CLEC16A: variants seen among roughly 807,000 people sequenced by gnomAD.
CLEC16A encodes protein CLEC16A.
In CLEC16A, 51 loss-of-function variants were observed where a neutral mutation model predicts 109.5. That is an observed-to-expected ratio of 0.47 (90% CI 0.37 to 0.59). The LOEUF (loss-of-function observed/expected upper bound fraction) is 0.59, where lower values mean the gene tolerates loss of function less well. CLEC16A is among the 20% of genes least tolerant of loss of function. The pLI is 0.00. For missense variants in CLEC16A, 1,339 were observed against 1,394.0 expected (o/e 0.96, Z 0.63); for synonymous variants, 673 against 564.2 (o/e 1.19, Z -2.73).
chr16:11,163,543 C>T (rs73505398), intron 22 of CLEC16A, among the ~76,000 whole-genome samples: 17 of 152,312 alleles, frequency 1.1e-4, no homozygotes, highest in African/African-American at 3.8e-4. Context: ...CAATCTATGA[C>T]TTGATCCCAA....
chr16:10,976,346 C>CT (rs35062493), intron 7 of CLEC16A, among the ~76,000 whole-genome samples: 94,505 of 147,418 alleles, frequency 0.64, 32,223 homozygotes, highest in African/African-American at 0.9. Flanking sequence ...CTTGTTTTTA[C>CT]TTTTTTTTTT....
intron 9 of CLEC16A, among the ~76,000 whole-genome samples, chr16:10,982,254 C>G (rs2043363271): frequency 6.6e-6 from 1 of 152,178 alleles, no homozygotes; most frequent in African/African-American, 2.4e-5. Context: ...AGCCCAGAGG[C>G]AGCCCTCTGA....
chr16:11,178,799 C>A lies in CLEC16A; in HGVS notation c.*109C>A. ...ACCCACCATTCTGTGCGGCCCCCAG[C>A]AGCCATCTCAACCACCTATCCCTGC... On this transcript the variant is annotated 3_prime_UTR_variant, in exon 24 of 24. Transcript: ENST00000409790. This position sits in a 1 kb window ranked among gnomAD's most constrained non-coding sequence, Gnocchi z 6.5. 2 of 813,626 alleles carry A rather than the reference C, an allele frequency of 2.5e-6. No individual in the cohort carries two copies. Among genetic ancestry groups the A allele is most frequent in the Non-Finnish European group, 3.7e-6 (2 of 537,558 alleles). 50.4% of individuals were successfully genotyped at this position (813,626 alleles called of 1,614,324 possible). A position where few individuals can be genotyped will look rare whatever the true frequency, so the allele number is the denominator to read the frequency against.
At chr16:11,156,743 A>G in intron 22 of CLEC16A, 1 of 1,106,762 alleles carries the variant, frequency 9.0e-7, no homozygotes, top group Non-Finnish European at 1.2e-6. Context: ...TTGGGAATCA[A>G]GCCCAGCCCT....
At chr16:11,123,619 T>TC (rs1273380300) in intron 20 of CLEC16A, 123 bp from the exon 21 acceptor site, 2 of 928,816 alleles carry the variant, frequency 2.2e-6, no homozygotes, top group Admixed American at 4.2e-5. Flanking sequence ...AGGCTGTCGA[T>TC]CTTAGATCAA....
chr16:11,146,434 G>A (rs1306034459), intron 22 of CLEC16A, among the ~76,000 whole-genome samples: 1 of 145,260 alleles, frequency 6.9e-6, no homozygotes, highest in Non-Finnish European at 1.5e-5. Context: ...GATATAGAGG[G>A]ATGAATGAAT....
chr16:11,113,421 A>T (rs1313080718), intron 19 of CLEC16A, among the ~76,000 whole-genome samples: 2 of 152,206 alleles, frequency 1.3e-5, no homozygotes, highest in African/African-American at 4.8e-5. Flanking sequence ...GCACTTTGGG[A>T]GGCTGAGGTG....
At chr16:11,132,702 A>G (rs554110103) in intron 22 of CLEC16A, among the ~76,000 whole-genome samples, 1 of 152,328 alleles carries the variant, frequency 6.6e-6, no homozygotes, top group South Asian at 2.1e-4. Flanking sequence ...GTTCTCTGAC[A>G]CTATCCTGCA....
At chr16:10,989,729 A>T (rs1251581931) in intron 10 of CLEC16A, among the ~76,000 whole-genome samples, 1 of 152,160 alleles carries the variant, frequency 6.6e-6, no homozygotes, top group Non-Finnish European at 1.5e-5. Flanking sequence ...TTCTAGTAGC[A>T]GGACTCTCTG....
intron 7 of CLEC16A, among the ~76,000 whole-genome samples, chr16:10,976,031 G>A (rs962581249): frequency 1.1e-4 from 16 of 152,250 alleles, no homozygotes; most frequent in South Asian, 2.1e-4. Context: ...TTGGGAGGCC[G>A]AGGCAGAAGG....
At chr16:10,959,840 T>C (rs2042174278) in intron 2 of CLEC16A, among the ~76,000 whole-genome samples, 1 of 152,022 alleles carries the variant, frequency 6.6e-6, no homozygotes, top group East Asian at 1.9e-4. Flanking sequence ...CTCAAACTCC[T>C]GAGCTCAAAC....
At chr16:11,027,131 G>C in intron 13 of CLEC16A, 1 of 1,477,390 alleles carries the variant, frequency 6.8e-7, no homozygotes, top group South Asian at 1.1e-5. Context: ...AGGAACTTTT[G>C]GCAAAGAAGG....
intron 18 of CLEC16A, among the ~76,000 whole-genome samples, chr16:11,059,281 C>G (rs905312121): frequency 6.6e-6 from 1 of 152,196 alleles, no homozygotes; most frequent in Non-Finnish European, 1.5e-5. Flanking sequence ...TTTATGAAGA[C>G]TGTACTTTTA....
chr16:11,044,156 G>C, intron 16 of CLEC16A, 84 bp downstream of exon 16: 1 of 1,175,072 alleles, frequency 8.5e-7, no homozygotes, highest in South Asian at 1.7e-5. Flanking sequence ...GCAGATAAAC[G>C]TTATATGTCT....
intron 19 of CLEC16A, 68 bp from the exon 20 acceptor site, chr16:11,120,547 C>G (rs536552431): frequency 6.7e-7 from 1 of 1,494,096 alleles, no homozygotes; most frequent in African/African-American, 1.4e-5. Context: ...TGAGAGTCAG[C>G]TTTGGTGTCT....
intron 12 of CLEC16A, among the ~76,000 whole-genome samples, chr16:11,023,041 C>G (rs1238140712): frequency 1.4e-5 from 2 of 148,038 alleles, no homozygotes; most frequent in Non-Finnish European, 3.0e-5. Context: ...GGGAAAAAGT[C>G]TTCACTGCTA....
At chr16:10,985,045 C>G (rs1461330132) in intron 10 of CLEC16A, among the ~76,000 whole-genome samples, 4 of 151,074 alleles carry the variant, frequency 2.6e-5, no homozygotes, top group Admixed American at 2.6e-4. Flanking sequence ...ACTAAAAATA[C>G]AAAAAAAATT....
At position 10,962,720 on chromosome 16, in the gene CLEC16A, G is replaced by A. The variant is rs2042309281; in HGVS notation, c.343+132G>A. Reference sequence around the variant, plus strand: ...CCTAACAAAATACCATAGACTGAGTGGGTTAAACAATAGAGATTTGTTTTC... The same window carrying A: ...CCTAACAAAATACCATAGACTGAGTAGGTTAAACAATAGAGATTTGTTTTC... On this transcript the variant is annotated intron_variant, in intron 3 of 23. Transcript: ENST00000409790. 4.1e-6 allele frequency: 4 copies of A among 975,662 alleles called. No individual in the cohort carries two copies. In the Admixed American group the frequency reaches 9.3e-5, roughly 23 times the overall value. 60.4% of individuals were successfully genotyped at this position (975,662 alleles called of 1,614,324 possible).
chr16:11,154,603 A>G (rs985869844), intron 22 of CLEC16A, among the ~76,000 whole-genome samples: 4 of 152,078 alleles, frequency 2.6e-5, no homozygotes, highest in East Asian at 1.9e-4. Flanking sequence ...TTTGCTACAT[A>G]CCCCTTTGTC....
Sources: gnomAD v4.1 joint callset for allele counts (sites outside exome capture counted in the v4.1 genomes callset) on GRCh38, gnomAD v4.1.1 for gene constraint, Gnocchi (gnomAD v3.1) non-coding constraint, MANE v1.5 for transcripts, NCBI Gene and HGNC (gene_info 2026-07-23, HGNC 2026-07-21) for gene names.